Variants in TAFA5 observed in about 807,000 individuals in gnomAD.
TAFA5 encodes the protein chemokine-like protein TAFA-5.
A neutral mutation model predicts 15.3 loss-of-function variants in TAFA5; 6 were observed. That is an observed-to-expected ratio of 0.39 (90% CI 0.21 to 0.77). The LOEUF is 0.77. TAFA5 is among the 30% of genes least tolerant of loss of function. The pLI, the probability that TAFA5 is intolerant of heterozygous loss-of-function variation, is 0.41. For missense variants in TAFA5, 161 were observed against 193.1 expected, an observed-to-expected ratio of 0.83 and a Z score of 0.98; for synonymous variants, 103 against 80.7, an observed-to-expected ratio of 1.28 and a Z score of -1.48.
intron 1 of TAFA5, among the ~76,000 whole-genome samples, chr22:48,646,153 C>T (rs563853854): frequency 6.6e-6 from 1 of 152,254 alleles, no homozygotes; most frequent in South Asian, 2.1e-4. Flanking sequence ...TTTCCGGCTC[C>T]AAAGTGCCAC....
intron 3 of TAFA5, among the ~76,000 whole-genome samples, chr22:48,719,112 A>G (rs1929490868): frequency 6.6e-6 from 1 of 152,168 alleles, no homozygotes; most frequent in Admixed American, 6.5e-5. Context: ...TTTCTTTTGA[A>G]TCCCGTGTGG....
intron 1 of TAFA5, among the ~76,000 whole-genome samples, chr22:48,562,159 A>G (rs1923251395): frequency 6.6e-6 from 1 of 151,886 alleles, no homozygotes; most frequent in Middle Eastern, 3.4e-3. Context: ...CTTTTTTGAG[A>G]TGGAGTCTCG....
At chr22:48,640,939 G>C (rs1010144171) in intron 1 of TAFA5, among the ~76,000 whole-genome samples, 4 of 129,320 alleles carry the variant, frequency 3.1e-5, no homozygotes, top group Non-Finnish European at 6.4e-5. Context: ...GACAGCTTCT[G>C]TCTGAAGCTG....
At position 48,698,340 on chromosome 22, in the gene TAFA5, G is replaced by A. The variant is rs1423075144; in HGVS notation, c.263-9377G>A. Among the ~76,000 whole-genome samples the A allele has an allele frequency of 2.0e-5, 3 of 151,436 alleles. 1 individual carries two copies. The highest frequency in any genetic ancestry group is 7.3e-5 in the African/African-American group (3 of 41,124). On this transcript the variant is annotated intron_variant, in intron 2 of 3. Coordinates refer to ENST00000402357, the MANE Select transcript of TAFA5 (RefSeq NM_001082967.3). ...AAAATACAAAAATTAGCTGGGTGTG[G>A]TGGTGCATCCCAGCTACTCAGGAGG... is the stretch of plus-strand genomic sequence containing the variant.
At chr22:48,521,800 G>A (rs1921610010) in intron 1 of TAFA5, among the ~76,000 whole-genome samples, 1 of 152,202 alleles carries the variant, frequency 6.6e-6, no homozygotes, top group South Asian at 2.1e-4. Flanking sequence ...TGTGGGTGCT[G>A]TTGAGGTTCC....
intron 1 of TAFA5, among the ~76,000 whole-genome samples, chr22:48,565,786 A>T (rs1328045834): frequency 2.0e-5 from 3 of 152,242 alleles, no homozygotes; most frequent in African/African-American, 7.2e-5. Context: ...GTGGCTTGAG[A>T]TGGCAGGTCT....
intron 1 of TAFA5, among the ~76,000 whole-genome samples, chr22:48,579,486 C>G (rs1209054622): frequency 6.6e-6 from 1 of 152,150 alleles, no homozygotes; most frequent in East Asian, 1.9e-4. Flanking sequence ...GGCGGGAATC[C>G]CAGGACCCTG....
At chr22:48,680,498 C>T (rs1167501601) in intron 2 of TAFA5, among the ~76,000 whole-genome samples, 4 of 144,304 alleles carry the variant, frequency 2.8e-5, no homozygotes, top group Non-Finnish European at 6.2e-5. Flanking sequence ...GACGGCAGCA[C>T]ACTGAGAGGG....
chr22:48,660,968 ACT>A (rs1386983811), intron 2 of TAFA5, among the ~76,000 whole-genome samples: 19 of 151,752 alleles, frequency 1.3e-4, no homozygotes, highest in African/African-American at 4.1e-4. Context: ...TTCGGGGGAA[ACT>A]CTGACGCAGG....
At chr22:48,639,649 GC>G (rs1242083362) in intron 1 of TAFA5, among the ~76,000 whole-genome samples, 2 of 152,128 alleles carry the variant, frequency 1.3e-5, no homozygotes, top group East Asian at 3.9e-4. Context: ...ACATGCAGGT[GC>G]CCCCACTGCC....
intron 1 of TAFA5, among the ~76,000 whole-genome samples, chr22:48,623,216 TGCGCG>T (rs1925903330): frequency 1.3e-5 from 2 of 151,858 alleles, no homozygotes; most frequent in Non-Finnish European, 1.5e-5. Flanking sequence ...TGCGTGGCCC[TGCGCG>T]GTGACCTGTG....
At chr22:48,665,445 G>T (rs1927578163) in intron 2 of TAFA5, among the ~76,000 whole-genome samples, 1 of 152,122 alleles carries the variant, frequency 6.6e-6, no homozygotes, top group South Asian at 2.1e-4. Flanking sequence ...CATTCTGTGT[G>T]GGAAACGTCA....
In TAFA5 at chr22:48,490,744, G is replaced by T. The variant is rs562006773; in HGVS notation, c.112+1040G>T. Among the ~76,000 whole-genome samples the T allele has an allele frequency of 3.5e-3, 519 of 150,380 alleles. 3 individuals carry two copies. The highest frequency in any genetic ancestry group is 5.6e-3 in the Non-Finnish European group (382 of 67,614). On this transcript the variant is annotated intron_variant, in intron 1 of 3. Transcript: ENST00000402357. The surrounding 1 kb of genome is among the most constrained non-coding windows in gnomAD (Gnocchi z 5.8). ...CACCTGTCATGGAGAATTGCCATGG[G>T]CGCGGGAGGTGATGGAAAAATATGG...
chr22:48,581,791 T>C (rs1474512826), intron 1 of TAFA5, among the ~76,000 whole-genome samples: 1 of 152,200 alleles, frequency 6.6e-6, no homozygotes, highest in Non-Finnish European at 1.5e-5. Context: ...GATCATGCAT[T>C]ATAAACCTCA....
intron 3 of TAFA5, among the ~76,000 whole-genome samples, chr22:48,715,332 C>T (rs887749096): frequency 2.6e-5 from 4 of 152,184 alleles, no homozygotes; most frequent in African/African-American, 7.2e-5. Flanking sequence ...GGAAGAGGAG[C>T]GAGGAACGTA....
intron 1 of TAFA5, among the ~76,000 whole-genome samples, chr22:48,568,552 C>T (rs777854686): frequency 3.9e-5 from 6 of 152,224 alleles, no homozygotes; most frequent in Non-Finnish European, 7.3e-5. Flanking sequence ...CAAGATATGG[C>T]CTCTTCCACA....
intron 1 of TAFA5, among the ~76,000 whole-genome samples, chr22:48,642,026 T>C (rs1210476746): frequency 1.3e-5 from 2 of 151,218 alleles, no homozygotes; most frequent in African/African-American, 4.9e-5. Context: ...GCTGGCATCG[T>C]GGGTGGACCA....
At chr22:48,599,218 A>G (rs912002217) in intron 1 of TAFA5, among the ~76,000 whole-genome samples, 19 of 152,140 alleles carry the variant, frequency 1.2e-4, no homozygotes, top group African/African-American at 4.1e-4. Context: ...TGGGGATGAT[A>G]AGGCAGAAAG....
At chr22:48,648,927 G>T (rs1418661630) in intron 2 of TAFA5, among the ~76,000 whole-genome samples, 1 of 152,222 alleles carries the variant, frequency 6.6e-6, no homozygotes, top group Non-Finnish European at 1.5e-5. Context: ...CCCTCTAGGG[G>T]TTCTCAGCAG....
Sources: allele counts gnomAD v4.1 joint callset (sites outside exome capture counted in the v4.1 genomes callset), GRCh38; gene constraint gnomAD v4.1.1; non-coding constraint Gnocchi (gnomAD v3.1); transcripts MANE v1.5; gene names NCBI Gene and HGNC (gene_info 2026-07-23, HGNC 2026-07-21).